Variants in MRPS12 observed in about 807,000 individuals in gnomAD.
The protein encoded by MRPS12 is mitochondrial ribosomal protein S12.
MRPS12 carries 7 observed loss-of-function variants against 8.4 expected under a neutral mutation model. The observed-to-expected ratio is 0.83, with a 90% CI of 0.47 to 1.56. MRPS12 has a LOEUF of 1.56. Ranked by LOEUF, MRPS12 falls within the 40% of genes most tolerant of loss-of-function variation. The pLI, the probability that MRPS12 is intolerant of heterozygous loss-of-function variation, is 0.01. For missense variants in MRPS12, 200 were observed against 194.1 expected, an observed-to-expected ratio of 1.03 and a Z score of -0.18; for synonymous variants, 84 against 84.1, an observed-to-expected ratio of 1.00 and a Z score of 0.01.
At chr19:38,931,379 G>A (rs375513972) in intron 2 of MRPS12, 36 bp downstream of exon 2, 1 of 1,546,292 alleles carries the variant, frequency 6.5e-7, no homozygotes, top group Non-Finnish European at 8.7e-7. Context: ...GACGAGGCTA[G>A]AGGGGGAGGG....
chr19:38,931,022 C>T lies in MRPS12; in HGVS notation c.-20+24C>T, dbSNP rs1008419250. 6 of 595,298 alleles carry T rather than the reference C, an allele frequency of 1.0e-5. No homozygotes were observed. The African/African-American group carries it at 1.1e-4, about 11-fold the overall frequency. 36.9% of individuals were successfully genotyped at this position (595,298 alleles called of 1,614,324 possible). On this transcript the variant is annotated intron_variant, in intron 1 of 2. Coordinates refer to ENST00000308018, the MANE Select transcript of MRPS12 (RefSeq NM_033362.4). ...AGGTCGGTGGAATCCTGGGGTCCTC[C>T]AAATCTACCAGGCCATCTCCCCAGT...
intron 2 of MRPS12, chr19:38,931,593 G>A (rs1974751701): frequency 2.8e-6 from 1 of 351,486 alleles, no homozygotes; most frequent in Non-Finnish European, 5.2e-6. Flanking sequence ...CCAGGCTGAA[G>A]TGCAGCGGTG....
At chr19:38,931,082 T>C (rs1272794233) in intron 1 of MRPS12, 84 bp downstream of exon 1, 2 of 618,888 alleles carry the variant, frequency 3.2e-6, no homozygotes, top group African/African-American at 3.7e-5. Context: ...CGAGAGTGGT[T>C]GGGCCCTCGG....
At position 38,932,507 on chromosome 19, in the gene MRPS12, C is replaced by A. The variant is rs1471198925; in HGVS notation, c.224C>A (p.Ser75Ter). The change falls in exon 3 of 3, where the codon TCA (serine) becomes TAA (stop). Residue 75 changes from serine (S) to a stop codon, truncating the protein, a stop_gained. Transcript: ENST00000308018. LOFTEE classifies it high-confidence loss of function. ...TFTRKPKKPN[S>*]ANRKCCRVRL... ...ACCCGCAAGCCGAAGAAGCCCAACT[C>A]AGCCAATCGCAAGTGCTGTCGAGTG... 20 of 1,612,980 alleles carry A rather than the reference C, an allele frequency of 1.2e-5. No individual in the cohort carries two copies. Among genetic ancestry groups the A allele is most frequent in the Non-Finnish European group, 1.7e-5 (20 of 1,179,348 alleles).
At chr19:38,932,143 A>G (rs1434199760) in intron 2 of MRPS12, among the ~76,000 whole-genome samples, 190 bp from the exon 3 acceptor site, 2 of 151,054 alleles carry the variant, frequency 1.3e-5, no homozygotes, top group African/African-American at 4.9e-5. Context: ...CTCAAAAAAA[A>G]AAAAGAAAAA....
At position 38,931,407 on chromosome 19, in the gene MRPS12, T is replaced by C; in HGVS notation, c.49+64T>C. ...GGGGAGGGTTATTCGCTCTTGGACT[T>C]GTGTGCCTCCGTCGGAGCCCCGAGG... On this transcript the variant is annotated intron_variant, in intron 2 of 2. Coordinates refer to ENST00000308018, the MANE Select transcript of MRPS12 (RefSeq NM_033362.4). The C allele has an allele frequency of 3.5e-6, 5 of 1,444,562 alleles. No individual in the cohort carries two copies. The South Asian group carries it at 6.9e-5, about 20-fold the overall frequency. 89.5% of individuals were successfully genotyped at this position (1,444,562 alleles called of 1,614,324 possible). A position where few individuals can be genotyped will look rare whatever the true frequency, so the allele number is the denominator to read the frequency against.
Position 38,931,309 on chromosome 19 carries a change from CCTT to C in MRPS12, c.18_20del (p.Leu7del), listed in dbSNP as rs1568431635. ...CAGGTGGCAGGATGTCCTGGTCTGGCCTTCTCCATGGCCTCAACACGTCCCTAA... is the reference window on the plus strand; with the variant it reads ...CAGGTGGCAGGATGTCCTGGTCTGGCCTCCATGGCCTCAACACGTCCCTAA... On this transcript the variant is annotated inframe_deletion, in exon 2 of 3. Coordinates refer to ENST00000308018, the MANE Select transcript of MRPS12 (RefSeq NM_033362.4). 3.7e-6 allele frequency: 6 copies of C among 1,605,368 alleles called. No homozygotes were observed. In the Admixed American group the frequency reaches 1.0e-4, roughly 28 times the overall value.
Position 38,933,164 on chromosome 19 carries a change from A to C in MRPS12, c.*464A>C. 6.5e-6 allele frequency: 1 copy of C among 153,218 alleles called. No individual in the cohort carries two copies. Among genetic ancestry groups the C allele is most frequent in the Non-Finnish European group, 1.4e-5 (1 of 69,782 alleles). 9.5% of individuals were successfully genotyped at this position (153,218 alleles called of 1,614,324 possible). A position where few individuals can be genotyped will look rare whatever the true frequency, so the allele number is the denominator to read the frequency against. ...AAATTCGATGCTCTATGTGCATAACACGCACGGAGGGCTCTTTTTTTTTTT... is the reference window on the plus strand; with the variant it reads ...AAATTCGATGCTCTATGTGCATAACCCGCACGGAGGGCTCTTTTTTTTTTT... On this transcript the variant is annotated 3_prime_UTR_variant, in exon 3 of 3. Transcript: ENST00000308018.
intron 2 of MRPS12, 77 bp from the exon 3 acceptor site, chr19:38,932,256 C>T: frequency 2.1e-6 from 3 of 1,450,280 alleles, no homozygotes; most frequent in Non-Finnish European, 2.7e-6. Flanking sequence ...TTAAACAATG[C>T]CTAAAACACC....
intron 2 of MRPS12, 128 bp from the exon 3 acceptor site, chr19:38,932,205 G>A (rs2144791835): frequency 1.3e-6 from 1 of 797,864 alleles, no homozygotes; most frequent in Non-Finnish European, 1.8e-6. Flanking sequence ...TTTGTCTGTA[G>A]ATAACATTAG....
At chr19:38,931,145 T>C in intron 1 of MRPS12, 131 bp from the exon 2 acceptor site, 1 of 761,318 alleles carries the variant, frequency 1.3e-6, no homozygotes, top group Non-Finnish European at 2.2e-6. Flanking sequence ...GTTAGCAGCA[T>C]GAGGGCCTGT....
Position 38,932,558 on chromosome 19 carries a change from T to C in MRPS12, c.275T>C (p.Val92Ala). 1 of 1,613,178 alleles carries C rather than the reference T, an allele frequency of 6.2e-7. No homozygotes were observed. The highest frequency in any genetic ancestry group is 2.2e-5 in the East Asian group (1 of 44,860). The change falls in exon 3 of 3, where the codon GTC (valine) becomes GCC (alanine). Residue 92 changes from valine to alanine, a missense_variant. Transcript: ENST00000308018. ...RVRLSTGREA[V>A]CFIPGEGHTL... ...CGGCTCAGCACTGGCCGCGAGGCCG[T>C]CTGCTTCATCCCTGGGGAGGGCCAC... is the stretch of plus-strand genomic sequence containing the variant.
At chr19:38,932,257 C>G (rs1355855973) in intron 2 of MRPS12, 76 bp from the exon 3 acceptor site, 1 of 1,465,052 alleles carries the variant, frequency 6.8e-7, no homozygotes, top group Non-Finnish European at 9.0e-7. Flanking sequence ...TAAACAATGC[C>G]TAAAACACCA....
chr19:38,931,034 G>A (rs1002637535), intron 1 of MRPS12, 36 bp downstream of exon 1: 4 of 594,960 alleles, frequency 6.7e-6, no homozygotes, highest in Non-Finnish European at 6.0e-6. Flanking sequence ...AATCTACCAG[G>A]CCATCTCCCC....
Position 38,932,544 on chromosome 19 carries a change from T to G in MRPS12, c.261T>G (p.Thr87=). Reference sequence around the variant, plus strand: ...AGTGCTGTCGAGTGCGGCTCAGCACTGGCCGCGAGGCCGTCTGCTTCATCC... The same window carrying G: ...AGTGCTGTCGAGTGCGGCTCAGCACGGGCCGCGAGGCCGTCTGCTTCATCC... The part of the protein sequence containing the change: ...NRKCCRVRLS[T]GREAVCFIPG... The change falls in exon 3 of 3, where the codon ACT becomes ACG. Residue 87 remains threonine, a synonymous_variant. Coordinates refer to ENST00000308018, the MANE Select transcript of MRPS12 (RefSeq NM_033362.4). 1 of 1,613,044 alleles carries G rather than the reference T, an allele frequency of 6.2e-7. No individual in the cohort carries two copies. The highest frequency in any genetic ancestry group is 8.5e-7 in the Non-Finnish European group (1 of 1,179,390).
intron 2 of MRPS12, 166 bp downstream of exon 2, chr19:38,931,509 T>C: frequency 1.8e-6 from 1 of 546,386 alleles, no homozygotes. Flanking sequence ...AGCAGCTGCA[T>C]GGAGGGCTAC....
chr19:38,931,208 C>A (rs944413914), intron 1 of MRPS12, 68 bp from the exon 2 acceptor site: 4 of 1,230,448 alleles, frequency 3.3e-6, no homozygotes, highest in African/African-American at 3.1e-5. Context: ...GTCCTGAGAG[C>A]GGATCGGGGA....
rs1974758405 is a variant in MRPS12, at chr19:38,931,928, A to C, written c.50-405A>C. 1.8e-5 allele frequency: 3 copies of C among 162,710 alleles called. No individual in the cohort carries two copies. The Admixed American group carries it at 1.9e-4, about 10-fold the overall frequency. 10.1% of individuals were successfully genotyped at this position (162,710 alleles called of 1,614,324 possible). On this transcript the variant is annotated intron_variant, in intron 2 of 2. Transcript: ENST00000308018. Reference sequence around the variant, plus strand: ...AGCACTTTGAGAGGCCGAGGTCAGGAGTTCGAGACCAGCCTGACCAACATG... The same window carrying C: ...AGCACTTTGAGAGGCCGAGGTCAGGCGTTCGAGACCAGCCTGACCAACATG...
Position 38,932,997 on chromosome 19 carries a change from A to T in MRPS12, c.*297A>T. On this transcript the variant is annotated 3_prime_UTR_variant, in exon 3 of 3. Transcript: ENST00000308018. ...CTGCTGGGAAGGGGTTTTAATAAAC[A>T]GACCCTGGCGCTTGTGATGTAAATC... 5.7e-6 allele frequency: 2 copies of T among 349,802 alleles called. No individual in the cohort carries two copies. Among genetic ancestry groups the T allele is most frequent in the Non-Finnish European group, 1.1e-5 (2 of 190,286 alleles). 21.7% of individuals were successfully genotyped at this position (349,802 alleles called of 1,614,324 possible). A position where few individuals can be genotyped will look rare whatever the true frequency, so the allele number is the denominator to read the frequency against.
Sources: gnomAD v4.1 joint callset for allele counts (sites outside exome capture counted in the v4.1 genomes callset) on GRCh38, gnomAD v4.1.1 for gene constraint, MANE v1.5 for transcripts, NCBI Gene and HGNC (gene_info 2026-07-23, HGNC 2026-07-21) for gene names.